The following EYS variants were observed in gnomAD, a reference collection of about 807,000 sequenced individuals.
The protein encoded by EYS is protein eyes shut homolog.
In EYS, 250 loss-of-function variants were observed where a neutral mutation model predicts 282.1. The ratio of observed to expected loss-of-function variants is 0.89; its 90% CI spans 0.80 to 0.98. EYS has a LOEUF of 0.98. EYS is among the 50% of genes least tolerant of loss of function. The pLI is 0.00. For synonymous variants in EYS, 1,355 were observed against 1,282.9 expected (o/e 1.06, Z -1.20); for missense variants, 4,016 against 3,709.0 (o/e 1.08, Z -2.15).
chr6:64,405,954 A>G (rs1458529307), intron 28 of EYS, among the ~76,000 whole-genome samples: 1 of 152,176 alleles, frequency 6.6e-6, no homozygotes, highest in Admixed American at 6.5e-5. Context: ...ATTGGAAAAT[A>G]CTACTTTAAA....
At chr6:65,502,042 A>G (rs530392533) in intron 2 of EYS, among the ~76,000 whole-genome samples, 1 of 151,878 alleles carries the variant, frequency 6.6e-6, no homozygotes, top group South Asian at 2.1e-4. Flanking sequence ...ATATAAGTAT[A>G]ACTTATTTTC....
intron 2 of EYS, among the ~76,000 whole-genome samples, chr6:65,575,064 A>C (rs1477375825): frequency 6.6e-6 from 1 of 152,092 alleles, no homozygotes; most frequent in African/African-American, 2.4e-5. Flanking sequence ...GCTCACGCCT[A>C]TAATCCTAGC....
chr6:65,693,111 A>G (rs1769301734), intron 1 of EYS, among the ~76,000 whole-genome samples: 1 of 150,002 alleles, frequency 6.7e-6, no homozygotes, highest in Non-Finnish European at 1.5e-5. Flanking sequence ...AAATTTCCCA[A>G]TAATAACAAG....
In EYS at chr6:65,692,408, T is replaced by C. The variant is rs199881037; in HGVS notation, c.-448+14727A>G. ...CTTGTGCTCCCTAAAACTATAAAAA[T>C]AAAATTAAAAAGAAGCAGAATATGA... On this transcript the variant is annotated intron_variant, in intron 1 of 42. Coordinates refer to ENST00000503581, the MANE Select transcript of EYS (RefSeq NM_001142800.2). Among the ~76,000 whole-genome samples, 9 of 149,986 alleles carry C rather than the reference T, an allele frequency of 6.0e-5. 3 individuals carry two copies. The East Asian group carries it at 2.1e-3, about 35-fold the overall frequency.
chr6:65,324,103 T>C (rs1769551803), intron 11 of EYS, among the ~76,000 whole-genome samples: 1 of 151,408 alleles, frequency 6.6e-6, no homozygotes, highest in Non-Finnish European at 1.5e-5. Flanking sequence ...TGATTAAATG[T>C]CACTGCTCCT....
chr6:64,808,012 C>T (rs1583179032), intron 22 of EYS, among the ~76,000 whole-genome samples: 1 of 149,502 alleles, frequency 6.7e-6, no homozygotes. Context: ...CTTCCTCCCT[C>T]CCTCCTTCCT....
chr6:64,875,131 AT>A (rs1440048617), intron 19 of EYS, among the ~76,000 whole-genome samples: 2 of 151,956 alleles, frequency 1.3e-5, no homozygotes, highest in Admixed American at 6.6e-5. Flanking sequence ...GATCTTCCCC[AT>A]TCAATTGACC....
chr6:63,871,623 C>T (rs1772807468), intron 35 of EYS, among the ~76,000 whole-genome samples: 1 of 152,150 alleles, frequency 6.6e-6, no homozygotes, highest in Non-Finnish European at 1.5e-5. Flanking sequence ...GATCATGCCA[C>T]TGCACTCCAG....
In EYS at chr6:65,593,732, C is replaced by T. The variant is rs527270095; in HGVS notation, c.-333+46046G>A. Among the ~76,000 whole-genome samples, 147 of 151,992 alleles carry T rather than the reference C, an allele frequency of 9.7e-4. 1 individual carries two copies. The highest frequency in any genetic ancestry group is 3.3e-3 in the African/African-American group (139 of 41,516). On this transcript the variant is annotated intron_variant, in intron 2 of 42. Coordinates refer to ENST00000503581, the MANE Select transcript of EYS (RefSeq NM_001142800.2). The stretch of plus-strand genomic sequence containing the variant: ...TTTTTTATTCTCCCCATATACCTTA[C>T]AAAGAGGTCATTAGTACTCTAATTA...
intron 1 of EYS, among the ~76,000 whole-genome samples, chr6:65,668,288 G>C (rs547210051): frequency 1.3e-5 from 2 of 151,832 alleles, no homozygotes; most frequent in African/African-American, 2.4e-5. Context: ...TTCATTTAAA[G>C]TGAAAGCCTG....
At chr6:65,084,949 G>C (rs1222017458) in intron 12 of EYS, among the ~76,000 whole-genome samples, 1 of 152,058 alleles carries the variant, frequency 6.6e-6, no homozygotes, top group Non-Finnish European at 1.5e-5. Context: ...TAAATCTCAG[G>C]CTATATTCCT....
At chr6:65,293,228 G>A (rs942471723) in intron 12 of EYS, among the ~76,000 whole-genome samples, 3 of 149,174 alleles carry the variant, frequency 2.0e-5, no homozygotes, top group African/African-American at 7.5e-5. Context: ...TACTAGTGCT[G>A]AAAGTGTCAA....
rs1769656868 is a variant in EYS, at chr6:64,028,647, TG to T, written c.6726-29465del. On this transcript the variant is annotated intron_variant, in intron 33 of 42. Transcript: ENST00000503581. ...CACAGACCACATGTCCCAACTTACG[TG>T]GATGGTCTTGCCCCAAGGGTTTAGG... Among the ~76,000 whole-genome samples the T allele has an allele frequency of 2.0e-5, 3 of 152,204 alleles. No homozygotes were observed. The South Asian group carries it at 6.2e-4, about 31-fold the overall frequency.
chr6:64,016,408 A>G (rs1417102958), intron 33 of EYS, among the ~76,000 whole-genome samples: 1 of 152,156 alleles, frequency 6.6e-6, no homozygotes, highest in Non-Finnish European at 1.5e-5. Context: ...CACAAAGTTC[A>G]TAAATCACAG....
intron 13 of EYS, among the ~76,000 whole-genome samples, chr6:64,998,067 G>C (rs1771333730): frequency 6.6e-6 from 1 of 152,088 alleles, no homozygotes; most frequent in African/African-American, 2.4e-5. Context: ...ATTTTCCCAA[G>C]TTGTTTTAGG....
chr6:65,179,405 A>C (rs1301875942), intron 12 of EYS, among the ~76,000 whole-genome samples: 2 of 152,136 alleles, frequency 1.3e-5, no homozygotes, highest in African/African-American at 4.8e-5. Flanking sequence ...AGAAATACAA[A>C]CTACCATCAG....
At chr6:65,164,824 T>A (rs1764933977) in intron 12 of EYS, among the ~76,000 whole-genome samples, 1 of 151,220 alleles carries the variant, frequency 6.6e-6, no homozygotes. Flanking sequence ...CTCATTGAAT[T>A]CTCGATGTAC....
chr6:65,371,511 G>A (rs935657998), intron 8 of EYS, among the ~76,000 whole-genome samples: 1 of 149,786 alleles, frequency 6.7e-6, no homozygotes, highest in South Asian at 2.1e-4. Context: ...TGAAAATTTG[G>A]GTGTAAATGC....
chr6:65,442,417 T>G (rs895023071), intron 5 of EYS, among the ~76,000 whole-genome samples: 1 of 151,384 alleles, frequency 6.6e-6, no homozygotes, highest in African/African-American at 2.4e-5. Context: ...GTAAGGCAAT[T>G]TTATTACTTC....
Sources: gnomAD v4.1 joint callset for allele counts (sites outside exome capture counted in the v4.1 genomes callset) on GRCh38, gnomAD v4.1.1 for gene constraint, MANE v1.5 for transcripts, NCBI Gene and HGNC (gene_info 2026-07-23, HGNC 2026-07-21) for gene names.